B4GALT6: variants seen among roughly 807,000 people sequenced by gnomAD.
The protein encoded by B4GALT6 is UDP-Gal:beta-GlcNAc beta-1,4-galactosyltransferase 6.
In B4GALT6, 14 loss-of-function variants were observed where a neutral mutation model predicts 46.3. The ratio of observed to expected loss-of-function variants is 0.30; its 90% CI spans 0.20 to 0.47. B4GALT6 has a LOEUF of 0.47. Among genes scored for constraint, B4GALT6 ranks in the 20% least tolerant of loss-of-function variants. B4GALT6 has a pLI of 0.99. For missense variants in B4GALT6, 386 were observed against 480.1 expected (o/e 0.80, Z 1.83); for synonymous variants, 168 against 162.0 (o/e 1.04, Z -0.28).
At chr18:31,641,000 G>A (rs1423582224) in intron 4 of B4GALT6, among the ~76,000 whole-genome samples, 1 of 152,238 alleles carries the variant, frequency 6.6e-6, no homozygotes, top group Admixed American at 6.5e-5. Flanking sequence ...AGCTTAGTAA[G>A]TCAAGCCTGC....
chr18:31,674,996 C>G (rs1256069986), intron 1 of B4GALT6, among the ~76,000 whole-genome samples: 3 of 152,158 alleles, frequency 2.0e-5, no homozygotes, highest in Non-Finnish European at 4.4e-5. Flanking sequence ...AAGTTATAAG[C>G]TGACAGAGTC....
intron 1 of B4GALT6, among the ~76,000 whole-genome samples, chr18:31,673,748 T>C (rs1038917719): frequency 6.6e-6 from 1 of 152,154 alleles, no homozygotes; most frequent in African/African-American, 2.4e-5. Context: ...CAAAAAGATA[T>C]GCCCACACCC....
intron 4 of B4GALT6, among the ~76,000 whole-genome samples, chr18:31,640,510 G>T (rs1255650546): frequency 6.6e-6 from 1 of 152,168 alleles, no homozygotes; most frequent in Non-Finnish European, 1.5e-5. Flanking sequence ...ATGCTGATGG[G>T]ATAGCAAAAA....
chr18:31,645,722 G>A (rs974492995), intron 3 of B4GALT6, among the ~76,000 whole-genome samples: 50 of 152,120 alleles, frequency 3.3e-4, no homozygotes, highest in African/African-American at 1.0e-3. Context: ...TTTAAAAACC[G>A]TTTTGCTTTT....
the B4GALT6 span, among the ~76,000 whole-genome samples, chr18:31,709,257 A>T: frequency 1.3e-5 from 2 of 151,348 alleles, no homozygotes; most frequent in Non-Finnish European, 2.9e-5. Flanking sequence ...TAGAGATGTG[A>T]TCTCACTATG....
intron 3 of B4GALT6, among the ~76,000 whole-genome samples, chr18:31,657,550 G>C (rs2074156716): frequency 6.6e-6 from 1 of 152,168 alleles, no homozygotes; most frequent in Non-Finnish European, 1.5e-5. Flanking sequence ...GTAGAGGTGA[G>C]GTTACTTCTG....
intron 1 of B4GALT6, among the ~76,000 whole-genome samples, chr18:31,678,233 C>T (rs1265966557): frequency 7.2e-5 from 11 of 152,100 alleles, no homozygotes; most frequent in Non-Finnish European, 1.6e-4. Context: ...CTTTAAGAGG[C>T]GGTCATCTAC....
chr18:31,681,018 C>G (rs1195948101), intron 1 of B4GALT6, among the ~76,000 whole-genome samples: 1 of 152,170 alleles, frequency 6.6e-6, no homozygotes, highest in African/African-American at 2.4e-5. Flanking sequence ...CACTTCCCAC[C>G]ACATGCCTTC....
chr18:31,634,108 G>T (rs2144523174), intron 5 of B4GALT6, among the ~76,000 whole-genome samples: 1 of 152,278 alleles, frequency 6.6e-6, no homozygotes, highest in South Asian at 2.1e-4. Context: ...CTGGAGGGGT[G>T]GGGAGATTCA....
the B4GALT6 span, among the ~76,000 whole-genome samples, chr18:31,709,929 A>G: frequency 6.6e-6 from 1 of 151,796 alleles, no homozygotes; most frequent in Admixed American, 6.6e-5. Context: ...ACCCATCTCT[A>G]CTATAAATAC....
intron 3 of B4GALT6, among the ~76,000 whole-genome samples, chr18:31,654,627 C>T (rs1439612759): frequency 2.0e-5 from 3 of 152,130 alleles, no homozygotes; most frequent in African/African-American, 7.2e-5. Flanking sequence ...CATTGCTATA[C>T]TAAGTAAAAA....
At chr18:31,673,860 T>C (rs909377286) in intron 1 of B4GALT6, among the ~76,000 whole-genome samples, 1 of 151,984 alleles carries the variant, frequency 6.6e-6, no homozygotes, top group Non-Finnish European at 1.5e-5. Flanking sequence ...ATTACCCAGG[T>C]GGACCCTAAA....
chr18:31,665,744 AAAAT>A (rs1321624717), intron 2 of B4GALT6, among the ~76,000 whole-genome samples: 4 of 152,232 alleles, frequency 2.6e-5, no homozygotes, highest in African/African-American at 9.6e-5. Context: ...TCTGTCTAAA[AAAAT>A]AAATAAGTAA....
rs569030793 is a variant in B4GALT6 at position 31,625,411 on chromosome 18, G to A, written c.*203C>T. On this transcript the variant is annotated 3_prime_UTR_variant, in exon 9 of 9. Coordinates refer to ENST00000306851, the MANE Select transcript of B4GALT6 (RefSeq NM_004775.5). ...GTGGCTTCCCGTTTCTGCGGTGCTC[G>A]CCACAGGGGTGTGTCTCAGAGCAGG... is the stretch of plus-strand genomic sequence containing the variant. 3.3e-4 allele frequency: 154 copies of A among 463,242 alleles called. 1 individual carries two copies. The highest frequency in any genetic ancestry group is 2.4e-3 in the African/African-American group (116 of 49,190). 28.7% of individuals were successfully genotyped at this position (463,242 alleles called of 1,614,324 possible).
chr18:31,702,283 T>G, the B4GALT6 span, among the ~76,000 whole-genome samples: 1 of 152,234 alleles, frequency 6.6e-6, no homozygotes, highest in Non-Finnish European at 1.5e-5. Flanking sequence ...TTTTAAAAAT[T>G]ATCCTGCAGT....
chr18:31,655,814 C>T (rs2074131268), intron 3 of B4GALT6, among the ~76,000 whole-genome samples: 1 of 152,150 alleles, frequency 6.6e-6, no homozygotes, highest in South Asian at 2.1e-4. Flanking sequence ...GCTGCAATAA[C>T]AAAGTAATGA....
chr18:31,687,117 C>T (rs1272201832), upstream of B4GALT6, among the ~76,000 whole-genome samples: 1 of 152,130 alleles, frequency 6.6e-6, no homozygotes, highest in Non-Finnish European at 1.5e-5. Flanking sequence ...GCAAGTGTCC[C>T]CCACGGTACT....
chr18:31,672,533 G>C (rs1267427813), intron 1 of B4GALT6, among the ~76,000 whole-genome samples: 2 of 152,194 alleles, frequency 1.3e-5, no homozygotes, highest in Admixed American at 1.3e-4. Context: ...TGAACACAGT[G>C]AAAATGCTAA....
chr18:31,671,279 G>A (rs2074353938), intron 1 of B4GALT6, among the ~76,000 whole-genome samples: 1 of 152,118 alleles, frequency 6.6e-6, no homozygotes, highest in Non-Finnish European at 1.5e-5. Context: ...AGATTGCTGG[G>A]TCACACGGTA....
Sources: allele counts gnomAD v4.1 joint callset (sites outside exome capture counted in the v4.1 genomes callset), GRCh38; gene constraint gnomAD v4.1.1; transcripts MANE v1.5; gene names NCBI Gene and HGNC (gene_info 2026-07-23, HGNC 2026-07-21).